ASIC2: variants seen among roughly 807,000 people sequenced by gnomAD.
ASIC2 encodes the protein acid-sensing ion channel 2.
Under a neutral mutation model 57.3 loss-of-function variants are expected in ASIC2, and 25 were observed. The observed-to-expected ratio is 0.44, with a 90% CI of 0.32 to 0.61. The LOEUF (loss-of-function observed/expected upper bound fraction) is 0.61, where lower values mean the gene tolerates loss of function less well. ASIC2 is among the 20% of genes least tolerant of loss of function. ASIC2 has a pLI of 0.06. For synonymous variants in ASIC2, 319 were observed against 307.5 expected (o/e 1.04, Z -0.39); for missense variants, 641 against 738.1 (o/e 0.87, Z 1.52).
intron 1 of ASIC2, among the ~76,000 whole-genome samples, chr17:33,921,794 G>C (rs11652243): frequency 0.076 from 11,600 of 152,232 alleles, 465 homozygotes; most frequent in Middle Eastern, 0.099. Flanking sequence ...CTGACAAGGT[G>C]GGAAGTCTGC....
At chr17:33,687,895 C>G (rs182746371) in intron 1 of ASIC2, among the ~76,000 whole-genome samples, 1 of 152,252 alleles carries the variant, frequency 6.6e-6, no homozygotes, top group Non-Finnish European at 1.5e-5. Context: ...AAAGCAATTA[C>G]CTATAATTTT....
chr17:33,576,986 G>A (rs12449501), intron 1 of ASIC2, among the ~76,000 whole-genome samples: 29,978 of 152,108 alleles, frequency 0.2, 3,061 homozygotes, highest in South Asian at 0.35. Flanking sequence ...CTGACATATA[G>A]TATGTTCTCA....
chr17:33,840,581 G>A (rs1913405736), intron 1 of ASIC2, among the ~76,000 whole-genome samples: 1 of 152,144 alleles, frequency 6.6e-6, no homozygotes, highest in Admixed American at 6.5e-5. Flanking sequence ...AAATCTTTAA[G>A]CTGTTAATCA....
intron 1 of ASIC2, among the ~76,000 whole-genome samples, chr17:33,353,312 C>T (rs1908254925): frequency 6.6e-6 from 1 of 152,086 alleles, no homozygotes; most frequent in Non-Finnish European, 1.5e-5. Flanking sequence ...CTCTACCTGT[C>T]TCATGCCCAT....
chr17:33,199,132 C>T (rs762893186), intron 1 of ASIC2, among the ~76,000 whole-genome samples: 42 of 152,306 alleles, frequency 2.8e-4, no homozygotes, highest in Middle Eastern at 6.8e-3. Context: ...ACCATTCCTG[C>T]ACTGTGGGCT....
chr17:33,556,962 C>T lies in ASIC2; in HGVS notation c.556-444895G>A, dbSNP rs561835695. Among the ~76,000 whole-genome samples the T allele has an allele frequency of 2.0e-5, 3 of 152,342 alleles. No homozygotes were observed. The South Asian group carries it at 6.2e-4, about 32-fold the overall frequency. ...CAGGTGAGGGAGGAATGGTGGAAGA[C>T]TTTCTTGCAATTAGCTCTTCCTGTT... On this transcript the variant is annotated intron_variant, in intron 1 of 9. Coordinates refer to the ASIC2 transcript ENST00000359872.
chr17:33,742,008 G>A lies in ASIC2; in HGVS notation c.555+413970C>T, dbSNP rs1322084506. ...AGTGGTCAAAGGTCTAGGCCTGGCC[G>A]GACACTGAGGCCATTCAGGTGCCAG... On this transcript the variant is annotated intron_variant, in intron 1 of 9. Coordinates refer to the ASIC2 transcript ENST00000359872. Among the ~76,000 whole-genome samples, 9 of 152,186 alleles carry A rather than the reference G, an allele frequency of 5.9e-5. No homozygotes were observed. The South Asian group carries it at 1.0e-3, about 17-fold the overall frequency.
At chr17:33,072,213 C>A (rs1201442710) in intron 3 of ASIC2, among the ~76,000 whole-genome samples, 1 of 152,162 alleles carries the variant, frequency 6.6e-6, no homozygotes, top group East Asian at 1.9e-4. Context: ...TAAGCTGGGG[C>A]AATCATAGTG....
chr17:33,979,450 C>G (rs1266900341), intron 1 of ASIC2, among the ~76,000 whole-genome samples: 6 of 152,106 alleles, frequency 3.9e-5, no homozygotes, highest in Non-Finnish European at 4.4e-5. Flanking sequence ...CCTGGTGTCC[C>G]CTGTATGCAC....
At chr17:33,469,093 G>C (rs1912957042) in intron 1 of ASIC2, among the ~76,000 whole-genome samples, 1 of 152,244 alleles carries the variant, frequency 6.6e-6, no homozygotes, top group Non-Finnish European at 1.5e-5. Context: ...ATGCTTTCTG[G>C]CATTGCCAAC....
intron 1 of ASIC2, among the ~76,000 whole-genome samples, chr17:33,780,517 G>A (rs1204447080): frequency 6.6e-6 from 1 of 152,186 alleles, no homozygotes; most frequent in African/African-American, 2.4e-5. Flanking sequence ...AATAATATAG[G>A]TTGTTGGAAG....
chr17:33,559,581 G>A (rs1567650103), intron 1 of ASIC2, among the ~76,000 whole-genome samples: 1 of 152,146 alleles, frequency 6.6e-6, no homozygotes, highest in Non-Finnish European at 1.5e-5. Context: ...ATGGCAGAGG[G>A]CTAGCATAGT....
chr17:33,489,050 G>A (rs1913668224), intron 1 of ASIC2, among the ~76,000 whole-genome samples: 1 of 152,074 alleles, frequency 6.6e-6, no homozygotes, highest in South Asian at 2.1e-4. Context: ...TGCCCTTCCA[G>A]CCTAAGAGAA....
intron 1 of ASIC2, among the ~76,000 whole-genome samples, chr17:33,879,675 T>C (rs1314248590): frequency 6.6e-6 from 1 of 152,154 alleles, no homozygotes; most frequent in Non-Finnish European, 1.5e-5. Flanking sequence ...AACACCCCAA[T>C]GTCAACATTA....
At chr17:33,392,705 G>A (rs1909945456) in intron 1 of ASIC2, among the ~76,000 whole-genome samples, 1 of 152,148 alleles carries the variant, frequency 6.6e-6, no homozygotes, top group South Asian at 2.1e-4. Flanking sequence ...CACTGGCTAG[G>A]TCTTGCACAG....
chr17:33,436,880 T>TTTTTG (rs1186285987), intron 1 of ASIC2, among the ~76,000 whole-genome samples: 1 of 130,468 alleles, frequency 7.7e-6, no homozygotes, highest in African/African-American at 2.9e-5. Context: ...TTTTTTTTTT[T>TTTTTG]TTTGAGACGG....
intron 1 of ASIC2, among the ~76,000 whole-genome samples, chr17:33,543,868 T>C (rs192495013): frequency 4.6e-5 from 7 of 152,344 alleles, no homozygotes; most frequent in Admixed American, 2.6e-4. Flanking sequence ...CATTTTTAAA[T>C]AGGCTTACAG....
chr17:33,220,369 A>C (rs1368977302), intron 1 of ASIC2, among the ~76,000 whole-genome samples: 1 of 152,192 alleles, frequency 6.6e-6, no homozygotes, highest in Non-Finnish European at 1.5e-5. Context: ...AAAAGTGTGA[A>C]GGCCACTGTC....
intron 2 of ASIC2, among the ~76,000 whole-genome samples, chr17:33,103,053 T>G (rs75935002): frequency 0.014 from 2,105 of 152,254 alleles, 71 homozygotes; most frequent in East Asian, 0.11. Flanking sequence ...AAAGTGCTGG[T>G]ATTACAGGCC....
Sources: allele counts gnomAD v4.1 joint callset (sites outside exome capture counted in the v4.1 genomes callset), GRCh38; gene constraint gnomAD v4.1.1; transcripts MANE v1.5; gene names NCBI Gene and HGNC (gene_info 2026-07-23, HGNC 2026-07-21).